The following LY96 variants were observed in gnomAD, a reference collection of about 807,000 sequenced individuals.
LY96 encodes myeloid differentiation protein-2.
LY96 carries 18 observed loss-of-function variants against 18.9 expected under a neutral mutation model. The ratio of observed to expected loss-of-function variants is 0.95; its 90% CI spans 0.66 to 1.41. The LOEUF is 1.41. Among genes scored for constraint, LY96 ranks in the 40% most tolerant of loss-of-function variants. The pLI is 0.00. For missense variants in LY96, 175 were observed against 182.4 expected (o/e 0.96, Z 0.23); for synonymous variants, 66 against 62.6 (o/e 1.06, Z -0.26).
At chr8:74,064,385 C>T in the LY96 span, among the ~76,000 whole-genome samples, 15 of 152,226 alleles carry the variant, frequency 9.9e-5, no homozygotes, top group East Asian at 1.7e-3. Flanking sequence ...TCATGGGAGG[C>T]GGATTCCTCA....
the LY96 span, among the ~76,000 whole-genome samples, chr8:74,091,837 C>A: frequency 6.6e-6 from 1 of 152,176 alleles, no homozygotes; most frequent in Non-Finnish European, 1.5e-5. Context: ...TCAAACCCTT[C>A]GACTTGCCCT....
the LY96 span, among the ~76,000 whole-genome samples, chr8:74,064,573 T>C: frequency 6.6e-6 from 1 of 152,226 alleles, no homozygotes; most frequent in Non-Finnish European, 1.5e-5. Flanking sequence ...GCTCCCTCTC[T>C]GGCCATGTCA....
At chr8:74,021,006 A>G (rs1372468526) in intron 3 of LY96, among the ~76,000 whole-genome samples, 1 of 152,234 alleles carries the variant, frequency 6.6e-6, no homozygotes, top group Non-Finnish European at 1.5e-5. Flanking sequence ...GGACATAGGC[A>G]TGGGCAAGGA....
intron 2 of LY96, 95 bp downstream of exon 2, chr8:74,004,980 C>T (rs1383819217): frequency 7.5e-7 from 1 of 1,327,610 alleles, no homozygotes; most frequent in East Asian, 2.4e-5. Context: ...TATTCGTTAT[C>T]TATTGCTACG....
At chr8:74,086,838 G>T in the LY96 span, among the ~76,000 whole-genome samples, 3 of 152,168 alleles carry the variant, frequency 2.0e-5, no homozygotes, top group African/African-American at 7.2e-5. Context: ...AGCAAGAAGG[G>T]GCCATCTATC....
rs1294362105 is a variant in LY96 at position 73,991,632 on chromosome 8, G to T, written c.112+78G>T. The T allele has an allele frequency of 1.4e-5, 12 of 869,250 alleles. No individual in the cohort carries two copies. The East Asian group carries it at 3.0e-4, about 22-fold the overall frequency. The allele number at this position is 869,250 out of a possible 1,614,324, so 53.8% of individuals were successfully genotyped here. A position where few individuals can be genotyped will look rare whatever the true frequency, so the allele number is the denominator to read the frequency against. Reference sequence around the variant, plus strand: ...GTTTTCACGAGAACCGTACACTGTTGTGGCTGGAACACACGAAACATCAGT... The same window carrying T: ...GTTTTCACGAGAACCGTACACTGTTTTGGCTGGAACACACGAAACATCAGT... On this transcript the variant is annotated intron_variant, in intron 1 of 4. Transcript: ENST00000284818.
intron 3 of LY96, among the ~76,000 whole-genome samples, chr8:74,025,700 G>C (rs1161312782): frequency 1.4e-5 from 2 of 141,700 alleles, no homozygotes; most frequent in Non-Finnish European, 3.1e-5. Flanking sequence ...CTGCTTTAAA[G>C]AAAGAGCAAA....
At chr8:74,032,531 C>T (rs998674555), downstream of LY96, among the ~76,000 whole-genome samples, 1 of 152,212 alleles carries the variant, frequency 6.6e-6, no homozygotes, top group African/African-American at 2.4e-5. Flanking sequence ...TCACGACCCT[C>T]TTACGCGGAC....
intron 3 of LY96, among the ~76,000 whole-genome samples, chr8:74,011,092 C>T (rs1372871434): frequency 6.6e-6 from 1 of 152,104 alleles, no homozygotes; most frequent in Non-Finnish European, 1.5e-5. Context: ...CTAATTTGAG[C>T]AAATCGTGAT....
chr8:74,042,185 C>T, the LY96 span, among the ~76,000 whole-genome samples: 1 of 152,300 alleles, frequency 6.6e-6, no homozygotes, highest in Admixed American at 6.5e-5. Context: ...ATAACAAAGG[C>T]ATGCATGCAT....
the LY96 span, among the ~76,000 whole-genome samples, chr8:74,071,697 TA>T: frequency 6.6e-6 from 1 of 152,206 alleles, no homozygotes; most frequent in East Asian, 1.9e-4. Context: ...TAAGCAAAAA[TA>T]TGGTTTTAGC....
the LY96 span, among the ~76,000 whole-genome samples, chr8:74,081,031 T>TTTCTTTCA: frequency 8.1e-6 from 1 of 123,922 alleles, no homozygotes; most frequent in Non-Finnish European, 1.6e-5. Flanking sequence ...TCTTTCTTTC[T>TTTCTTTCA]TTCTTTCTTT....
chr8:74,068,081 A>ATATAT, the LY96 span, among the ~76,000 whole-genome samples: 3 of 95,380 alleles, frequency 3.1e-5, no homozygotes, highest in African/African-American at 1.4e-4. Context: ...AAAAAAAAAA[A>ATATAT]AAAAAAAAAT....
intron 3 of LY96, among the ~76,000 whole-genome samples, chr8:74,015,250 C>A (rs538179760): frequency 6.6e-6 from 1 of 152,256 alleles, no homozygotes; most frequent in East Asian, 1.9e-4. Flanking sequence ...CGGGATTTTG[C>A]TGGGGCTGCT....
In LY96 at chr8:74,004,872, T is replaced by G. The variant is rs893544160; in HGVS notation, c.189T>G (p.Ile63Met). 2 of 1,591,676 alleles carry G rather than the reference T, an allele frequency of 1.3e-6. No individual in the cohort carries two copies. Among genetic ancestry groups the G allele is most frequent in the African/African-American group, 1.3e-5 (1 of 74,520 alleles). Residue 63 changes from isoleucine (I) to methionine (M), a missense_variant, in exon 2 of 5, where the codon ATT becomes ATG. Coordinates refer to ENST00000284818, the MANE Select transcript of LY96 (RefSeq NM_015364.5). Reference sequence around the variant, plus strand: ...AAAGATCCAAAGGATTATTGCACATTTTCTACATTCCAAGTAAGTTCAAAT... The same window carrying G: ...AAAGATCCAAAGGATTATTGCACATGTTCTACATTCCAAGTAAGTTCAAAT... ...ELKRSKGLLH[I>M]FYIPRRDLKQ...
intron 1 of LY96, among the ~76,000 whole-genome samples, chr8:73,996,993 C>T (rs952859606): frequency 1.3e-5 from 2 of 152,182 alleles, no homozygotes; most frequent in African/African-American, 2.4e-5. Context: ...AATCCACCCG[C>T]CTGGGCCTCC....
In LY96 at chr8:74,010,028, A is replaced by G. The variant is rs1329122965; in HGVS notation, c.230A>G (p.Asn77Ser). Residue 77 changes from asparagine to serine, a missense_variant, in exon 3 of 5, where the codon AAT (asparagine) becomes AGT (serine). Asn to Ser is a conservative substitution (Grantham distance 46, BLOSUM62 1). Coordinates refer to ENST00000284818, the MANE Select transcript of LY96 (RefSeq NM_015364.5). ...AGAGATTTAAAGCAATTATATTTCA[A>G]TCTCTATATAACTGTCAACACCATG... ...PRRDLKQLYFNLYITVNTMNL... is the reference protein window; with the variant it reads ...PRRDLKQLYFSLYITVNTMNL... 2 of 1,606,452 alleles carry G rather than the reference A, an allele frequency of 1.2e-6. No individual in the cohort carries two copies. Among genetic ancestry groups the G allele is most frequent in the African/African-American group, 2.7e-5 (2 of 74,770 alleles).
chr8:73,999,649 C>T (rs1396000359), intron 1 of LY96, among the ~76,000 whole-genome samples: 1 of 152,084 alleles, frequency 6.6e-6, no homozygotes, highest in Admixed American at 6.6e-5. Flanking sequence ...TTTATTAGTT[C>T]TAACAACTTT....
At chr8:74,090,138 CAT>C in the LY96 span, among the ~76,000 whole-genome samples, 1 of 152,116 alleles carries the variant, frequency 6.6e-6, no homozygotes, top group African/African-American at 2.4e-5. Context: ...ATTGTGGAGG[CAT>C]AGAGTGAAAG....
Sources: gnomAD v4.1 joint callset for allele counts (sites outside exome capture counted in the v4.1 genomes callset) on GRCh38, gnomAD v4.1.1 for gene constraint, MANE v1.5 for transcripts, NCBI Gene and HGNC (gene_info 2026-07-23, HGNC 2026-07-21) for gene names.